RAB3IP: variants seen among roughly 807,000 people sequenced by gnomAD.
The protein encoded by RAB3IP is RAB3A interacting protein.
Under a neutral mutation model 59.1 loss-of-function variants are expected in RAB3IP, and 36 were observed. The observed-to-expected ratio is 0.61, with a 90% CI of 0.47 to 0.80. The LOEUF (loss-of-function observed/expected upper bound fraction) is 0.80, where lower values mean the gene tolerates loss of function less well. Ranked by LOEUF, RAB3IP falls within the 30% of genes least tolerant of loss-of-function variation. RAB3IP has a pLI of 0.00. For missense variants in RAB3IP, 511 were observed against 536.0 expected (o/e 0.95, Z 0.46); for synonymous variants, 207 against 191.2 (o/e 1.08, Z -0.68).
chr12:69,794,532 T>C lies in RAB3IP; in HGVS notation c.684+18T>C. On this transcript the variant is annotated intron_variant, in intron 5 of 10. Coordinates refer to ENST00000247833, the MANE Select transcript of RAB3IP (RefSeq NM_022456.5). ...AAGGAAAAGTGAGTTTTTGCAGCTC[T>C]TAATAGTATAAAATAAATTTGTGAT... 2 of 1,582,306 alleles carry C rather than the reference T, an allele frequency of 1.3e-6. No individual in the cohort carries two copies. The highest frequency in any genetic ancestry group is 8.6e-7 in the Non-Finnish European group (1 of 1,157,172).
intron 8 of RAB3IP, among the ~76,000 whole-genome samples, chr12:69,806,966 T>C (rs1879417017): frequency 6.6e-6 from 1 of 152,206 alleles, no homozygotes; most frequent in African/African-American, 2.4e-5. Flanking sequence ...TGGAGTCTCC[T>C]ATGTCTACTT....
intron 3 of RAB3IP, among the ~76,000 whole-genome samples, chr12:69,781,582 T>C (rs1425100417): frequency 6.6e-6 from 1 of 152,216 alleles, no homozygotes; most frequent in East Asian, 1.9e-4. Context: ...AACATCTCTG[T>C]AGTCTTACCT....
At chr12:69,802,684 G>C in intron 8 of RAB3IP, among the ~76,000 whole-genome samples, 1 of 152,320 alleles carries the variant, frequency 6.6e-6, no homozygotes, top group African/African-American at 2.4e-5. Context: ...TTATTTTGAA[G>C]CCAGAAGAGG....
chr12:69,815,043 G>C (rs1880976518), intron 10 of RAB3IP, among the ~76,000 whole-genome samples: 1 of 152,164 alleles, frequency 6.6e-6, no homozygotes, highest in Non-Finnish European at 1.5e-5. Flanking sequence ...TCGAATAATT[G>C]AGTATTGAGT....
chr12:69,771,912 T>C (rs1592516478), intron 3 of RAB3IP, among the ~76,000 whole-genome samples: 3 of 152,342 alleles, frequency 2.0e-5, no homozygotes, highest in African/African-American at 7.2e-5. Context: ...GAGCATTTTT[T>C]CATATACCTG....
chr12:69,746,895 A>T (rs958800722), intron 1 of RAB3IP, among the ~76,000 whole-genome samples: 1 of 152,206 alleles, frequency 6.6e-6, no homozygotes, highest in Non-Finnish European at 1.5e-5. Flanking sequence ...CCCTTCCACA[A>T]CTGTCTGTGA....
At chr12:69,812,728 G>A in intron 8 of RAB3IP, 50 bp from the exon 9 acceptor site, 1 of 1,242,552 alleles carries the variant, frequency 8.0e-7, no homozygotes, top group Non-Finnish European at 1.2e-6. Context: ...CAGAAGGTAG[G>A]GGCAAATGCT....
At chr12:69,786,513 T>C (rs541206196) in intron 4 of RAB3IP, among the ~76,000 whole-genome samples, 1 of 152,354 alleles carries the variant, frequency 6.6e-6, no homozygotes, top group Admixed American at 6.5e-5. Flanking sequence ...TTGTTACATT[T>C]CTGAATAGAA....
chr12:69,813,102 A>G (rs764787281), intron 10 of RAB3IP, 69 bp downstream of exon 10: 103 of 1,151,088 alleles, frequency 8.9e-5, no homozygotes, highest in Non-Finnish European at 1.2e-4. Context: ...AAAGTTCAAC[A>G]AAAAGTATAG....
chr12:69,814,047 G>C (rs1018320368), intron 10 of RAB3IP, among the ~76,000 whole-genome samples: 17 of 152,072 alleles, frequency 1.1e-4, no homozygotes, highest in East Asian at 3.9e-4. Context: ...ATTTCAAAAG[G>C]CCTAATAACA....
At chr12:69,750,132 ACTACT>A (rs1158082314) in intron 1 of RAB3IP, among the ~76,000 whole-genome samples, 14 of 152,294 alleles carry the variant, frequency 9.2e-5, no homozygotes, top group African/African-American at 3.4e-4. Flanking sequence ...TTTAATTCTG[ACTACT>A]CTAAGCTGCA....
chr12:69,784,232 A>G (rs1307541069), intron 3 of RAB3IP, among the ~76,000 whole-genome samples: 2 of 152,214 alleles, frequency 1.3e-5, no homozygotes, highest in East Asian at 3.9e-4. Flanking sequence ...ACATTGTTTA[A>G]TGGATATAGT....
intron 3 of RAB3IP, among the ~76,000 whole-genome samples, chr12:69,770,782 CATATAT>C (rs1206037481): frequency 6.6e-6 from 1 of 151,992 alleles, no homozygotes; most frequent in African/African-American, 2.4e-5. Context: ...TACACATATA[CATATAT>C]ACACACACAC....
At chr12:69,811,666 T>A (rs906987232) in intron 8 of RAB3IP, among the ~76,000 whole-genome samples, 2 of 152,202 alleles carry the variant, frequency 1.3e-5, no homozygotes, top group Non-Finnish European at 1.5e-5. Flanking sequence ...TTTTAAATAT[T>A]GTTACAGATC....
intron 1 of RAB3IP, among the ~76,000 whole-genome samples, chr12:69,745,298 C>G (rs1230196766): frequency 6.6e-6 from 1 of 151,630 alleles, no homozygotes; most frequent in Non-Finnish European, 1.5e-5. Context: ...ACATTTCCTG[C>G]TTTTATTATT....
chr12:69,739,541 G>C (rs1318139076), intron 1 of RAB3IP: 3 of 443,208 alleles, frequency 6.8e-6, no homozygotes, highest in Non-Finnish European at 1.2e-5. Flanking sequence ...GGGTGGTTTC[G>C]TGTCCCAGTC....
chr12:69,790,438 C>T (rs1205583185), intron 4 of RAB3IP, among the ~76,000 whole-genome samples: 1 of 152,094 alleles, frequency 6.6e-6, no homozygotes, highest in Non-Finnish European at 1.5e-5. Flanking sequence ...GATTTGTGTT[C>T]ATTGGTTGGA....
At chr12:69,791,226 CTG>C (rs745348331) in intron 4 of RAB3IP, among the ~76,000 whole-genome samples, 3 of 152,242 alleles carry the variant, frequency 2.0e-5, no homozygotes, top group Non-Finnish European at 4.4e-5. Flanking sequence ...AGACCTGAAA[CTG>C]TAAACTCAGA....
intron 10 of RAB3IP, among the ~76,000 whole-genome samples, chr12:69,815,001 A>G (rs1281952485): frequency 6.6e-6 from 1 of 152,188 alleles, no homozygotes; most frequent in East Asian, 1.9e-4. Flanking sequence ...ATAACAAACT[A>G]GAGCAAGAAG....
Sources: allele counts gnomAD v4.1 joint callset (sites outside exome capture counted in the v4.1 genomes callset), GRCh38; gene constraint gnomAD v4.1.1; transcripts MANE v1.5; gene names NCBI Gene and HGNC (gene_info 2026-07-23, HGNC 2026-07-21).